Variants in SYN2 observed in about 807,000 individuals in gnomAD.
The protein encoded by SYN2 is synapsin II.
In SYN2, 19 loss-of-function variants were observed where a neutral mutation model predicts 50.9. The ratio of observed to expected loss-of-function variants is 0.37; its 90% CI spans 0.26 to 0.55. The LOEUF is 0.55. SYN2 is among the 20% of genes least tolerant of loss of function. The pLI, the probability that SYN2 is intolerant of heterozygous loss-of-function variation, is 0.81. For missense variants in SYN2, 587 were observed against 576.4 expected (o/e 1.02, Z -0.19); for synonymous variants, 255 against 224.9 (o/e 1.13, Z -1.20).
At chr3:12,020,202 T>C (rs1694104383) in intron 1 of SYN2, among the ~76,000 whole-genome samples, 1 of 152,228 alleles carries the variant, frequency 6.6e-6, no homozygotes, top group South Asian at 2.1e-4. Flanking sequence ...GCTTCTTATT[T>C]TTCTTTGTAC....
At chr3:12,158,053 T>A (rs1340714633) in intron 5 of SYN2, among the ~76,000 whole-genome samples, 4 of 152,096 alleles carry the variant, frequency 2.6e-5, no homozygotes, top group African/African-American at 7.2e-5. Context: ...AGGGTCCCCA[T>A]CCTGCCGAGC....
rs985893400 is a variant in SYN2 at position 12,114,196 on chromosome 3, C to A, written c.378-26455C>A. ...GTTTTGATTTGCATTCCCTTAATGA[C>A]GAATGATGTTGAGCATCTTTTTATG... is the stretch of plus-strand genomic sequence containing the variant. On this transcript the variant is annotated intron_variant, in intron 1 of 12. Coordinates refer to ENST00000621198, the MANE Select transcript of SYN2 (RefSeq NM_133625.6). Among the ~76,000 whole-genome samples the A allele has an allele frequency of 3.3e-5, 5 of 151,570 alleles. 1 individual carries two copies. The highest frequency in any genetic ancestry group is 6.6e-5 in the Admixed American group (1 of 15,190).
chr3:12,149,407 A>G (rs1332683062), intron 4 of SYN2, among the ~76,000 whole-genome samples: 1 of 152,226 alleles, frequency 6.6e-6, no homozygotes, highest in Non-Finnish European at 1.5e-5. Flanking sequence ...GAATCAGAGA[A>G]GGCAGGAAAG....
chr3:12,015,347 T>G (rs1362490758), intron 1 of SYN2, among the ~76,000 whole-genome samples: 1 of 152,212 alleles, frequency 6.6e-6, no homozygotes, highest in East Asian at 1.9e-4. Flanking sequence ...TCGACAACAC[T>G]GAGATCCCCT....
intron 1 of SYN2, among the ~76,000 whole-genome samples, chr3:12,067,925 G>C (rs146114588): frequency 1.3e-5 from 2 of 152,276 alleles, no homozygotes; most frequent in South Asian, 2.1e-4. Context: ...AGGTGTGGTG[G>C]TGCATGCCTA....
intron 1 of SYN2, among the ~76,000 whole-genome samples, chr3:12,081,015 T>A (rs757462324): frequency 3.9e-5 from 6 of 152,196 alleles, no homozygotes; most frequent in Non-Finnish European, 8.8e-5. Flanking sequence ...TTTAACAGCA[T>A]CACCTGTTAA....
At chr3:12,144,458 T>C (rs1697098895) in intron 3 of SYN2, among the ~76,000 whole-genome samples, 1 of 152,194 alleles carries the variant, frequency 6.6e-6, no homozygotes. Flanking sequence ...ATCATGGACC[T>C]CTGTGGCAGT....
chr3:12,033,805 A>G (rs751504858), intron 1 of SYN2, among the ~76,000 whole-genome samples: 11 of 152,146 alleles, frequency 7.2e-5, no homozygotes, highest in Admixed American at 3.3e-4. Flanking sequence ...TCTTAGCATA[A>G]TGTTTTCAGG....
chr3:12,098,453 G>A (rs546542952), intron 1 of SYN2, among the ~76,000 whole-genome samples: 1 of 151,948 alleles, frequency 6.6e-6, no homozygotes, highest in African/African-American at 2.4e-5. Context: ...GAACTATATA[G>A]GAAGAAAATT....
At chr3:12,104,008 CAA>C (rs1306907090) in intron 1 of SYN2, among the ~76,000 whole-genome samples, 4 of 151,976 alleles carry the variant, frequency 2.6e-5, no homozygotes, top group African/African-American at 7.3e-5. Context: ...AATATCTAAA[CAA>C]GATATATCAG....
Position 12,067,462 on chromosome 3 carries a change from G to A in SYN2, c.377+62534G>A, listed in dbSNP as rs187336112. On this transcript the variant is annotated intron_variant, in intron 1 of 12. Transcript: ENST00000621198. ...TTTGTTGAACTCCTCTAATTAATAT[G>A]CATGGCATCACAACATCAATTCATA... Among the ~76,000 whole-genome samples, 47 of 152,130 alleles carry A rather than the reference G, an allele frequency of 3.1e-4. 1 individual carries two copies. Among genetic ancestry groups the A allele is most frequent in the African/African-American group, 1.1e-3 (44 of 41,520 alleles).
intron 1 of SYN2, among the ~76,000 whole-genome samples, chr3:12,067,378 G>A (rs1695236635): frequency 6.6e-6 from 1 of 151,860 alleles, no homozygotes; most frequent in South Asian, 2.1e-4. Flanking sequence ...ATTCTTTTCA[G>A]CCTTCAAGGC....
intron 12 of SYN2, among the ~76,000 whole-genome samples, chr3:12,189,612 G>T (rs1698409355): frequency 6.6e-6 from 1 of 152,116 alleles, no homozygotes; most frequent in African/African-American, 2.4e-5. Context: ...TTCAGGACCA[G>T]CCTGGCCAAG....
At position 12,161,516 on chromosome 3, in the gene SYN2, A is replaced by G. The variant is rs993918496; in HGVS notation, c.775-30A>G. The G allele has an allele frequency of 4.3e-6, 7 of 1,613,242 alleles. 1 individual carries two copies. ...TCCACGGAGAGATGGGCACACTCTG[A>G]CAGTTTATTCATTTCTCTTCTGATT... On this transcript the variant is annotated intron_variant, in intron 5 of 12. Transcript: ENST00000621198.
chr3:12,170,030 G>A lies in SYN2; in HGVS notation c.1308+124G>A, dbSNP rs1231605167. On this transcript the variant is annotated intron_variant, in intron 10 of 12. Transcript: ENST00000621198. ...CACAGGCCTAAATGGGATCTAAGGAGACATCTCCCTCTTCCTTCCCTTCCC... is the reference window on the plus strand; with the variant it reads ...CACAGGCCTAAATGGGATCTAAGGAAACATCTCCCTCTTCCTTCCCTTCCC... 4 of 1,215,298 alleles carry A rather than the reference G, an allele frequency of 3.3e-6. No homozygotes were observed. In the South Asian group the frequency reaches 5.1e-5, roughly 15 times the overall value. The allele number at this position is 1,215,298 out of a possible 1,614,324, so 75.3% of individuals were successfully genotyped here.
intron 1 of SYN2, among the ~76,000 whole-genome samples, chr3:12,101,250 C>A (rs1220629832): frequency 6.6e-6 from 1 of 152,158 alleles, no homozygotes; most frequent in African/African-American, 2.4e-5. Context: ...ACTAACTGAT[C>A]AATGTATAAA....
chr3:12,181,947 G>T (rs1698231238), intron 10 of SYN2, among the ~76,000 whole-genome samples: 1 of 152,140 alleles, frequency 6.6e-6, no homozygotes, highest in African/African-American at 2.4e-5. Context: ...GAAGGGAAAG[G>T]AAGTAGTGTT....
chr3:12,188,880 G>A (rs548267592), intron 12 of SYN2, among the ~76,000 whole-genome samples: 4 of 152,188 alleles, frequency 2.6e-5, no homozygotes, highest in South Asian at 2.1e-4. Flanking sequence ...TAGCCCCCGC[G>A]TGAGGGCAGA....
chr3:12,058,900 G>T (rs1444134076), intron 1 of SYN2, among the ~76,000 whole-genome samples: 1 of 152,138 alleles, frequency 6.6e-6, no homozygotes, highest in Non-Finnish European at 1.5e-5. Flanking sequence ...CCAACTTCTA[G>T]GGATAGCACT....
Sources: allele counts gnomAD v4.1 joint callset (sites outside exome capture counted in the v4.1 genomes callset), GRCh38; gene constraint gnomAD v4.1.1; transcripts MANE v1.5; gene names NCBI Gene and HGNC (gene_info 2026-07-23, HGNC 2026-07-21).